CADPS2: variants seen among roughly 807,000 people sequenced by gnomAD.
CADPS2 encodes the protein calcium-dependent secretion activator 2.
In CADPS2, 93 loss-of-function variants were observed where a neutral mutation model predicts 172.5. The ratio of observed to expected loss-of-function variants is 0.54; its 90% CI spans 0.46 to 0.64. The LOEUF (loss-of-function observed/expected upper bound fraction) is 0.64, where lower values mean the gene tolerates loss of function less well. Among genes scored for constraint, CADPS2 ranks in the 30% least tolerant of loss-of-function variants. CADPS2 has a pLI of 0.00. For synonymous variants in CADPS2, 546 were observed against 555.2 expected (o/e 0.98, Z 0.23); for missense variants, 1,420 against 1,565.9 (o/e 0.91, Z 1.57).
chr7:122,510,399 A>C (rs1262160414), intron 9 of CADPS2, among the ~76,000 whole-genome samples: 1 of 152,120 alleles, frequency 6.6e-6, no homozygotes, highest in Non-Finnish European at 1.5e-5. Flanking sequence ...CAACTCATTT[A>C]TTTTCCCACC....
At chr7:122,573,219 A>G (rs897220167) in intron 7 of CADPS2, among the ~76,000 whole-genome samples, 8 of 152,132 alleles carry the variant, frequency 5.3e-5, no homozygotes, top group African/African-American at 1.7e-4. Flanking sequence ...ACTAAAGGAA[A>G]TGCTTGGACC....
At chr7:122,737,971 G>A (rs995624886) in intron 1 of CADPS2, among the ~76,000 whole-genome samples, 15 of 152,026 alleles carry the variant, frequency 9.9e-5, no homozygotes, top group Non-Finnish European at 2.2e-4. Context: ...ATAATTGAAG[G>A]AATAATAAGG....
intron 2 of CADPS2, among the ~76,000 whole-genome samples, chr7:122,683,477 A>G (rs1054793059): frequency 1.3e-5 from 2 of 152,190 alleles, no homozygotes; most frequent in African/African-American, 4.8e-5. Flanking sequence ...TTCTGTATCA[A>G]TATCACTTTT....
intron 3 of CADPS2, among the ~76,000 whole-genome samples, chr7:122,634,798 A>T (rs950933720): frequency 2.6e-5 from 4 of 152,088 alleles, no homozygotes; most frequent in Admixed American, 2.0e-4. Flanking sequence ...AGCACTGTAA[A>T]CTTTCCTTTT....
intron 5 of CADPS2, among the ~76,000 whole-genome samples, chr7:122,619,323 C>A (rs149657715): frequency 1.3e-3 from 194 of 151,894 alleles, no homozygotes; most frequent in African/African-American, 4.3e-3. Context: ...TTATTTTTTT[C>A]ATCAATAAAT....
At chr7:122,436,467 G>T in intron 17 of CADPS2, 1 of 644,396 alleles carries the variant, frequency 1.6e-6, no homozygotes, top group Non-Finnish European at 2.3e-6. Context: ...TCTAACTTAA[G>T]TTTGATTTGG....
chr7:122,833,450 G>A (rs929094620), intron 1 of CADPS2, among the ~76,000 whole-genome samples: 1 of 151,954 alleles, frequency 6.6e-6, no homozygotes. Context: ...TCCCGGGTTC[G>A]AGCAATTCTC....
chr7:122,778,017 T>G (rs1169862254), intron 1 of CADPS2, among the ~76,000 whole-genome samples: 1 of 152,092 alleles, frequency 6.6e-6, no homozygotes, highest in African/African-American at 2.4e-5. Flanking sequence ...TGGGAAAGTT[T>G]GGAACTTCCT....
intron 1 of CADPS2, among the ~76,000 whole-genome samples, chr7:122,815,627 T>A (rs1490470500): frequency 2.0e-5 from 3 of 151,506 alleles, no homozygotes; most frequent in African/African-American, 7.3e-5. Context: ...ACAAAAAAAA[T>A]TCAAAATATA....
chr7:122,779,610 T>A (rs1299872690), intron 1 of CADPS2, among the ~76,000 whole-genome samples: 6 of 152,146 alleles, frequency 3.9e-5, no homozygotes, highest in African/African-American at 1.4e-4. Flanking sequence ...TACTCATCCA[T>A]AATATAGAAC....
At chr7:122,834,761 C>T (rs1335687306) in intron 1 of CADPS2, among the ~76,000 whole-genome samples, 1 of 152,174 alleles carries the variant, frequency 6.6e-6, no homozygotes, top group Non-Finnish European at 1.5e-5. Flanking sequence ...ATCGCTGAGG[C>T]TCGAGTAGGT....
intron 1 of CADPS2, among the ~76,000 whole-genome samples, chr7:122,769,190 A>G (rs2093640088): frequency 6.6e-6 from 1 of 152,030 alleles, no homozygotes; most frequent in South Asian, 2.1e-4. Context: ...ACATAAGAAG[A>G]CTCTTAGTTT....
chr7:122,627,363 T>C (rs1041086648), intron 4 of CADPS2, among the ~76,000 whole-genome samples: 1 of 152,236 alleles, frequency 6.6e-6, no homozygotes, highest in African/African-American at 2.4e-5. Flanking sequence ...GGAAAGCAAT[T>C]AAACCTGCTC....
intron 17 of CADPS2, among the ~76,000 whole-genome samples, chr7:122,428,959 T>C (rs1162387606): frequency 6.6e-6 from 1 of 152,162 alleles, no homozygotes; most frequent in Non-Finnish European, 1.5e-5. Flanking sequence ...TGTATAGTTA[T>C]TCAGAGTTGG....
In CADPS2 at chr7:122,581,311, T is replaced by A. The variant is rs749407210; in HGVS notation, c.1224-21A>T. 4.0e-5 allele frequency: 63 copies of A among 1,584,460 alleles called. 1 individual carries two copies. Among genetic ancestry groups the A allele is most frequent in the Non-Finnish European group, 4.8e-5 (55 of 1,154,264 alleles). ...CCCATCTGTAATGAAGTAAAAAAAA[T>A]GTTTCTTAAAATGCAGCATTATTTT... On this transcript the variant is annotated intron_variant, in intron 6 of 29. Transcript: ENST00000449022.
chr7:122,394,793 T>C (rs930638090), intron 20 of CADPS2, among the ~76,000 whole-genome samples: 2 of 152,088 alleles, frequency 1.3e-5, no homozygotes, highest in Non-Finnish European at 2.9e-5. Flanking sequence ...ATGATGCTTA[T>C]GATTATGCAG....
At chr7:122,739,446 T>A (rs1451914073) in intron 1 of CADPS2, among the ~76,000 whole-genome samples, 1 of 152,206 alleles carries the variant, frequency 6.6e-6, no homozygotes, top group East Asian at 1.9e-4. Flanking sequence ...TCCGCTATTA[T>A]AACAGTGAGT....
chr7:122,519,725 T>A (rs1344919807), intron 8 of CADPS2, among the ~76,000 whole-genome samples: 1 of 152,026 alleles, frequency 6.6e-6, no homozygotes, highest in African/African-American at 2.4e-5. Flanking sequence ...TCATCAAATA[T>A]CAGAGATATG....
At chr7:122,845,761 G>T (rs1162648870) in intron 1 of CADPS2, among the ~76,000 whole-genome samples, 1 of 152,118 alleles carries the variant, frequency 6.6e-6, no homozygotes, top group Non-Finnish European at 1.5e-5. Context: ...ATGAATTATT[G>T]AAATAGTCTT....
Sources: allele counts gnomAD v4.1 joint callset (sites outside exome capture counted in the v4.1 genomes callset), GRCh38; gene constraint gnomAD v4.1.1; transcripts MANE v1.5; gene names NCBI Gene and HGNC (gene_info 2026-07-23, HGNC 2026-07-21).